SDS: variants seen among roughly 807,000 people sequenced by gnomAD.
SDS encodes the protein serine dehydratase, also known as L-serine dehydratase/L-threonine deaminase.
A neutral mutation model predicts 29.3 loss-of-function variants in SDS; 19 were observed. The observed-to-expected ratio is 0.65, with a 90% CI of 0.45 to 0.95. The LOEUF is 0.95. SDS is among the 40% of genes least tolerant of loss of function. The probability of loss-of-function intolerance (pLI) is 0.00; values close to 1 mark genes in which losing one functional copy is unlikely to be tolerated. For synonymous variants in SDS, 176 were observed against 189.0 expected (o/e 0.93, Z 0.56); for missense variants, 375 against 439.9 (o/e 0.85, Z 1.32).
At chr12:113,401,705 G>T (rs999873572) in intron 1 of SDS, among the ~76,000 whole-genome samples, 1 of 152,174 alleles carries the variant, frequency 6.6e-6, no homozygotes, top group African/African-American at 2.4e-5. Flanking sequence ...TGTGGCTCAG[G>T]CTCCTGCTTC....
intron 1 of SDS, among the ~76,000 whole-genome samples, chr12:113,401,031 G>A (rs1452477665): frequency 6.6e-6 from 1 of 151,652 alleles, no homozygotes; most frequent in Non-Finnish European, 1.5e-5. Context: ...GGAGAATGGC[G>A]TGAACCCGGG....
chr12:113,393,769 A>G, intron 7 of SDS, 123 bp downstream of exon 7: 1 of 1,285,216 alleles, frequency 7.8e-7, no homozygotes, highest in Non-Finnish European at 1.1e-6. Flanking sequence ...AATTCTAGGC[A>G]GAGGTGGAAG....
chr12:113,394,118 A>AATG, intron 6 of SDS, 102 bp from the exon 7 acceptor site: 1 of 1,139,756 alleles, frequency 8.8e-7, no homozygotes, highest in Middle Eastern at 2.0e-4. Context: ...CAGAGAAGGC[A>AATG]ATGCATCTGG....
In SDS at chr12:113,398,791, G is replaced by A; in HGVS notation, c.249C>T (p.Ala83=). 1 of 1,613,636 alleles carries A rather than the reference G, an allele frequency of 6.2e-7. No individual in the cohort carries two copies. The highest frequency in any genetic ancestry group is 1.1e-5 in the South Asian group (1 of 91,060). The change falls in exon 4 of 8, where the codon GCC becomes GCT. Residue 83 remains alanine (A), a synonymous_variant. Coordinates refer to ENST00000257549, the MANE Select transcript of SDS (RefSeq NM_006843.3). ...GTGTGGTGCTGGGCACCACGATGGT[G>A]GCGGGGACGCCGAGTTGCCTGGCCG... ...AYAARQLGVP[A]TIVVPSTTPA...
At chr12:113,400,588 ACACAATCCATCCACACACACG>A (rs1378960155) in intron 1 of SDS, among the ~76,000 whole-genome samples, 3 of 152,012 alleles carry the variant, frequency 2.0e-5, no homozygotes, top group Admixed American at 6.6e-5. Context: ...CCACTCCCAC[ACACAATCCATCCACACACACG>A]CACAATCCAT....
intron 1 of SDS, among the ~76,000 whole-genome samples, chr12:113,400,633 T>G (rs1445721344): frequency 6.6e-6 from 1 of 151,820 alleles, no homozygotes; most frequent in Non-Finnish European, 1.5e-5. Flanking sequence ...CACACACATA[T>G]AGTCCACATG....
At chr12:113,395,472 C>T (rs932519870) in intron 6 of SDS, among the ~76,000 whole-genome samples, 2 of 152,214 alleles carry the variant, frequency 1.3e-5, no homozygotes, top group Admixed American at 6.5e-5. Flanking sequence ...TCTAGCTGCA[C>T]TTATGGGCAC....
intron 1 of SDS, among the ~76,000 whole-genome samples, chr12:113,402,252 C>A (rs1459861296): frequency 6.6e-6 from 1 of 152,160 alleles, no homozygotes; most frequent in Non-Finnish European, 1.5e-5. Flanking sequence ...TCGGCATGAA[C>A]TTTCAGCTCC....
intron 1 of SDS, among the ~76,000 whole-genome samples, chr12:113,402,395 C>T (rs547874889): frequency 5.6e-4 from 85 of 152,176 alleles, no homozygotes; most frequent in Non-Finnish European, 1.1e-3. Context: ...TGGGTTCAAG[C>T]GATTTTCCTG....
At chr12:113,396,571 TTCCTTCC>T (rs1179202529) in intron 6 of SDS, 4 of 98,792 alleles carry the variant, frequency 4.0e-5, no homozygotes, top group African/African-American at 1.6e-4. Flanking sequence ...CCTTCCTTCC[TTCCTTCC>T]TTCCTTCCTT....
chr12:113,396,869 C>T (rs982848539), intron 6 of SDS: 24 of 487,150 alleles, frequency 4.9e-5, no homozygotes, highest in African/African-American at 4.2e-4. Context: ...GAACTCCTGG[C>T]CTCAAGTGAT....
intron 5 of SDS, 44 bp from the exon 6 acceptor site, chr12:113,397,436 C>T: frequency 6.7e-7 from 1 of 1,499,684 alleles, no homozygotes; most frequent in Non-Finnish European, 9.1e-7. Context: ...GCTAGGCTTC[C>T]TGGAGACACC....
At chr12:113,396,789 T>G in intron 6 of SDS, 2 of 257,490 alleles carry the variant, frequency 7.8e-6, no homozygotes, top group Non-Finnish European at 1.5e-5. Flanking sequence ...CCACGCCCAG[T>G]TAATTTAAAA....
At chr12:113,399,025 T>C (rs879069143) in intron 3 of SDS, 87 bp downstream of exon 3, 2 of 1,584,306 alleles carry the variant, frequency 1.3e-6, no homozygotes, top group South Asian at 1.1e-5. Flanking sequence ...CAGTGGCACA[T>C]TGCTGGGGAA....
chr12:113,402,040 CT>C (rs1287520140), intron 1 of SDS, among the ~76,000 whole-genome samples: 1 of 152,154 alleles, frequency 6.6e-6, no homozygotes, highest in Non-Finnish European at 1.5e-5. Context: ...CCAGACATCC[CT>C]TGGTCAGAGG....
At chr12:113,393,775 G>A in intron 7 of SDS, 117 bp downstream of exon 7, 2 of 1,361,366 alleles carry the variant, frequency 1.5e-6, no homozygotes, top group Non-Finnish European at 2.0e-6. Flanking sequence ...AGGCAGAGGT[G>A]GAAGACAGAA....
Position 113,398,577 on chromosome 12 carries a change from C to T in SDS, c.363G>A (p.Lys121=), listed in dbSNP as rs764595688. Residue 121 remains lysine, a synonymous_variant, in exon 5 of 8, where the codon AAG becomes AAA. Coordinates refer to ENST00000257549, the MANE Select transcript of SDS (RefSeq NM_006843.3). ...AACCCGGGTTGTTCTTCGCTAGGGC[C>T]TTGGCCAGCTCGAAGGCTTCATCCA... ...ELLDEAFELA[K]ALAKNNPGWV... is the part of the protein sequence containing the mutation. 8.1e-6 allele frequency: 13 copies of T among 1,596,450 alleles called. No individual in the cohort carries two copies. Among genetic ancestry groups the T allele is most frequent in the Non-Finnish European group, 1.1e-5 (13 of 1,169,984 alleles).
In SDS at chr12:113,392,927, T is replaced by TA; in HGVS notation, c.*13dup. ...CTTGGGCTAGGAGAGCACAGATCGG[T>TA]AAGGGGTCCGTCCTCACTTGGGCAA... On this transcript the variant is annotated 3_prime_UTR_variant, in exon 8 of 8. Transcript: ENST00000257549. 1.2e-6 allele frequency: 2 copies of TA among 1,612,842 alleles called. No homozygotes were observed. Among genetic ancestry groups the TA allele is most frequent in the South Asian group, 2.2e-5 (2 of 91,004 alleles).
At chr12:113,395,921 G>C (rs192488543) in intron 6 of SDS, among the ~76,000 whole-genome samples, 1 of 152,278 alleles carries the variant, frequency 6.6e-6, no homozygotes, top group Non-Finnish European at 1.5e-5. Context: ...AGACTAGCCT[G>C]GCTAACACGG....
Sources: gnomAD v4.1 joint callset for allele counts (sites outside exome capture counted in the v4.1 genomes callset) on GRCh38, gnomAD v4.1.1 for gene constraint, MANE v1.5 for transcripts, NCBI Gene and HGNC (gene_info 2026-07-23, HGNC 2026-07-21) for gene names.